SIGIRR: variants seen among roughly 807,000 people sequenced by gnomAD.
SIGIRR encodes single Ig and TIR domain containing.
A neutral mutation model predicts 45.6 loss-of-function variants in SIGIRR; 41 were observed. The ratio of observed to expected loss-of-function variants is 0.90; its 90% CI spans 0.70 to 1.17. The LOEUF (loss-of-function observed/expected upper bound fraction) is 1.17, where lower values mean the gene tolerates loss of function less well. Among genes scored for constraint, SIGIRR ranks in the 50% most tolerant of loss-of-function variants. The pLI, the probability that SIGIRR is intolerant of heterozygous loss-of-function variation, is 0.00. For missense variants in SIGIRR, 599 were observed against 539.6 expected (o/e 1.11, Z -1.09); for synonymous variants, 298 against 239.0 (o/e 1.25, Z -2.28).
rs1275447266 is a variant in SIGIRR at position 410,097 on chromosome 11, C to G, written c.-153-70G>C. 13 of 1,215,932 alleles carry G rather than the reference C, an allele frequency of 1.1e-5. No homozygotes were observed. In the Admixed American group the frequency reaches 4.4e-4, roughly 41 times the overall value. The allele number at this position is 1,215,932 out of a possible 1,614,324, so 75.3% of individuals were successfully genotyped here. ...TTAACCAGTAACTGCCGGCCACAGA[C>G]AGCACTGGCCCTGACCAGATGCGAC... On this transcript the variant is annotated intron_variant, in intron 1 of 9. Coordinates refer to ENST00000431843, the MANE Select transcript of SIGIRR (RefSeq NM_001135054.2).
chr11:407,448 T>C lies in SIGIRR; in HGVS notation c.602A>G (p.Asp201Gly). The C allele has an allele frequency of 6.4e-7, 1 of 1,554,258 alleles. No individual in the cohort carries two copies. The highest frequency in any genetic ancestry group is 8.7e-7 in the Non-Finnish European group (1 of 1,149,580). The change falls in exon 6 of 10, where the codon GAC becomes GGC. Residue 201 changes from aspartate to glycine, a missense_variant. Physicochemically the swap from Asp to Gly is moderately conservative, Grantham distance 94. Coordinates refer to ENST00000431843, the MANE Select transcript of SIGIRR (RefSeq NM_001135054.2). ...RRRGYKLFLD[D>G]RDLLPRAEPS... ...ACCAGCGCGCGGCAGGAGGTCGCGG[T>C]CGTCCAGGAAGAGCTTGTAGCCCCG... is the stretch of plus-strand genomic sequence containing the variant.
At chr11:417,043 C>G (rs1011230295), upstream of SIGIRR, among the ~76,000 whole-genome samples, 1 of 152,194 alleles carries the variant, frequency 6.6e-6, no homozygotes, top group Non-Finnish European at 1.5e-5. The surrounding 1 kb of genome is among the most constrained non-coding windows in gnomAD (Gnocchi z 4.2). Flanking sequence ...CTGTTCTGCG[C>G]GAGGGTCACC....
upstream of SIGIRR, among the ~76,000 whole-genome samples, chr11:415,249 T>TGTGC (rs1187654664): frequency 5.9e-5 from 7 of 119,044 alleles, no homozygotes; most frequent in Non-Finnish European, 1.2e-4. This position sits in a 1 kb window ranked among gnomAD's most constrained non-coding sequence, Gnocchi z 6.6. Context: ...TGTGTGTGTG[T>TGTGC]GCAGTGTGTC....
chr11:405,820 G>A lies in SIGIRR; in HGVS notation c.*76C>T, dbSNP rs1847262002. The A allele has an allele frequency of 2.7e-6, 4 of 1,503,218 alleles. No homozygotes were observed. The highest frequency in any genetic ancestry group is 3.6e-6 in the Non-Finnish European group (4 of 1,116,868). 93.1% of individuals were successfully genotyped at this position (1,503,218 alleles called of 1,614,324 possible). On this transcript the variant is annotated 3_prime_UTR_variant, in exon 10 of 10. Coordinates refer to ENST00000431843, the MANE Select transcript of SIGIRR (RefSeq NM_001135054.2). The stretch of plus-strand genomic sequence containing the variant: ...TCCCAGGGCTGCTGGCAGGGGTTGT[G>A]GTCCTGTTGAGCAGAGGAGCGACGC...
chr11:407,979 C>G (rs774435571), intron 4 of SIGIRR, 22 bp from the exon 5 acceptor site: 1 of 1,601,196 alleles, frequency 6.2e-7, no homozygotes, highest in South Asian at 1.1e-5. Flanking sequence ...TTGCCTGAGC[C>G]GCTGCCCCTC....
chr11:414,268 C>A (rs1847813933), intron 1 of SIGIRR, among the ~76,000 whole-genome samples: 1 of 131,048 alleles, frequency 7.6e-6, no homozygotes, highest in Non-Finnish European at 1.6e-5. Context: ...TTCCCCTGCA[C>A]CCTCTCCCCT....
chr11:405,940 C>A lies in SIGIRR; in HGVS notation c.1189G>T (p.Ala397Ser). Reference sequence around the variant, plus strand: ...ACCAGGCAGTAGAAGTCTGTGCGGGCACTGTAGTTTCGCGAGCCGAGATCC... The same window carrying A: ...ACCAGGCAGTAGAAGTCTGTGCGGGAACTGTAGTTTCGCGAGCCGAGATCC... ...VSDLGSRNYS[A>S]RTDFYCLVSK... The change falls in exon 10 of 10, where the codon GCC becomes TCC. Residue 397 changes from alanine (A) to serine (S), a missense_variant. Transcript: ENST00000431843. 3.1e-6 allele frequency: 5 copies of A among 1,611,442 alleles called. No individual in the cohort carries two copies. The highest frequency in any genetic ancestry group is 4.2e-6 in the Non-Finnish European group (5 of 1,179,182).
chr11:414,953 C>T lies in SIGIRR; in HGVS notation c.-284G>A, dbSNP rs1006497737. ...GCTGCTATGGATGCATCGCCAAGCG[C>T]GGTGGGGACCTGGCTTGTGTCTTTG... On this transcript the variant is annotated 5_prime_UTR_variant, in exon 1 of 10. Coordinates refer to ENST00000431843, the MANE Select transcript of SIGIRR (RefSeq NM_001135054.2). 1.6e-4 allele frequency: 134 copies of T among 846,798 alleles called. No homozygotes were observed. The highest frequency in any genetic ancestry group is 1.8e-4 in the Non-Finnish European group (127 of 703,716). 52.5% of individuals were successfully genotyped at this position (846,798 alleles called of 1,614,324 possible).
In SIGIRR at chr11:407,967, G is replaced by A; in HGVS notation, c.341-10C>T. 6.2e-7 allele frequency: 1 copy of A among 1,603,398 alleles called. No individual in the cohort carries two copies. The highest frequency in any genetic ancestry group is 8.5e-7 in the Non-Finnish European group (1 of 1,174,210). On this transcript the variant is annotated splice_polypyrimidine_tract_variant and intron_variant, in intron 4 of 9. Coordinates refer to ENST00000431843, the MANE Select transcript of SIGIRR (RefSeq NM_001135054.2). ...ACGTGGCTTGTAGGGCCTGCGGATG[G>A]GTTGCCTGAGCCGCTGCCCCTCCAG...
chr11:407,722 C>G, intron 5 of SIGIRR, 95 bp downstream of exon 5: 2 of 1,576,554 alleles, frequency 1.3e-6, no homozygotes, highest in Non-Finnish European at 1.7e-6. Flanking sequence ...GGGGGCTAAC[C>G]CCTCCCCGCC....
intron 1 of SIGIRR, among the ~76,000 whole-genome samples, chr11:412,733 G>C (rs577564143): frequency 2.6e-5 from 4 of 151,538 alleles, no homozygotes; most frequent in Admixed American, 2.6e-4. Context: ...GTCGAGGGGG[G>C]GTGCCCAGCT....
intron 5 of SIGIRR, 123 bp from the exon 6 acceptor site, chr11:407,691 G>A (rs1480532689): frequency 1.9e-6 from 3 of 1,559,362 alleles, no homozygotes; most frequent in Non-Finnish European, 2.6e-6. Flanking sequence ...TTTAACCCCA[G>A]CCGGGCCGCA....
rs992527620 is a variant in SIGIRR at position 414,899 on chromosome 11, G to C, written c.-230C>G. 5.1e-6 allele frequency: 5 copies of C among 985,356 alleles called. No individual in the cohort carries two copies. The highest frequency in any genetic ancestry group is 1.7e-5 in the African/African-American group (1 of 57,360). 61.0% of individuals were successfully genotyped at this position (985,356 alleles called of 1,614,324 possible). On this transcript the variant is annotated 5_prime_UTR_variant, in exon 1 of 10. Transcript: ENST00000431843. ...TTGGGAGCAAACTCTCCCCTTCGCT[G>C]GGCCCCAGGGAGTGTCCACAGCACC...
At chr11:408,596 T>C in intron 3 of SIGIRR, 99 bp downstream of exon 3, 1 of 1,380,860 alleles carries the variant, frequency 7.2e-7, no homozygotes, top group Non-Finnish European at 1.0e-6. Flanking sequence ...TCGTGACATG[T>C]CTGGCCAGGT....
chr11:405,763 G>A lies in SIGIRR; in HGVS notation c.*133C>T. 2 of 1,140,588 alleles carry A rather than the reference G, an allele frequency of 1.8e-6. No homozygotes were observed. The highest frequency in any genetic ancestry group is 2.4e-6 in the Non-Finnish European group (2 of 824,352). 70.7% of individuals were successfully genotyped at this position (1,140,588 alleles called of 1,614,324 possible). ...TTCTGGCACTGGGAGGCGCCCTGAGGCCACAGCCTTTTCCCAGGGCTGCTG... is the reference window on the plus strand; with the variant it reads ...TTCTGGCACTGGGAGGCGCCCTGAGACCACAGCCTTTTCCCAGGGCTGCTG... On this transcript the variant is annotated 3_prime_UTR_variant, in exon 10 of 10. Coordinates refer to ENST00000431843, the MANE Select transcript of SIGIRR (RefSeq NM_001135054.2).
In SIGIRR at chr11:411,475, GA is replaced by G. The variant is rs766909696; in HGVS notation, c.-153-1449del. Among the ~76,000 whole-genome samples the G allele has an allele frequency of 8.0e-3, 41 of 5,118 alleles. 14 individuals carry two copies. Among genetic ancestry groups the G allele is most frequent in the African/African-American group, 0.047 (11 of 232 alleles). 3.4% of individuals were successfully genotyped at this position (5,118 alleles called of 152,430 possible). A position where few individuals can be genotyped will look rare whatever the true frequency, so the allele number is the denominator to read the frequency against. On this transcript the variant is annotated intron_variant, in intron 1 of 9. Transcript: ENST00000431843. ...CTGACCATGTCTGGATACAGTCGGG[GA>G]GGGGTGCCCAGCTCTGACCATGTCT...
upstream of SIGIRR, among the ~76,000 whole-genome samples, chr11:417,028 C>G (rs1425837359): frequency 6.6e-6 from 1 of 152,212 alleles, no homozygotes; most frequent in African/African-American, 2.4e-5. The surrounding 1 kb of genome is among the most constrained non-coding windows in gnomAD (Gnocchi z 4.2). Context: ...GCTCCTAGCC[C>G]CGCTCTGTTC....
chr11:407,207 G>A (rs1847364188), intron 6 of SIGIRR, 43 bp from the exon 7 acceptor site: 3 of 856,442 alleles, frequency 3.5e-6, no homozygotes, highest in Non-Finnish European at 4.9e-6. Context: ...CGGGGGCGGG[G>A]GAGGGCGGGG....
Position 408,744 on chromosome 11 carries a change from C to A in SIGIRR, c.157G>T (p.Gly53Trp), listed in dbSNP as rs369156823. 6.2e-7 allele frequency: 1 copy of A among 1,612,752 alleles called. No homozygotes were observed. Among genetic ancestry groups the A allele is most frequent in the Admixed American group, 1.7e-5 (1 of 60,016 alleles). ...SLPSVQWLKDGLPLGIGGHYS... is the reference protein window; with the variant it reads ...SLPSVQWLKDWLPLGIGGHYS... ...TGGCCCCCAATTCCCAATGGAAGCC[C>A]GTCTTTCAGCCACTGGACTGAAGGC... is the stretch of plus-strand genomic sequence containing the variant. The change falls in exon 3 of 10, where the codon GGG (glycine) becomes TGG (tryptophan). Residue 53 changes from glycine (G) to tryptophan (W), a missense_variant. Gly to Trp is a radical substitution (Grantham distance 184). Coordinates refer to ENST00000431843, the MANE Select transcript of SIGIRR (RefSeq NM_001135054.2).
Sources: allele counts gnomAD v4.1 joint callset (sites outside exome capture counted in the v4.1 genomes callset), GRCh38; gene constraint gnomAD v4.1.1; non-coding constraint Gnocchi (gnomAD v3.1); transcripts MANE v1.5; gene names NCBI Gene and HGNC (gene_info 2026-07-23, HGNC 2026-07-21).